The following EEF1E1 variants were observed in gnomAD, a reference collection of about 807,000 sequenced individuals.
EEF1E1 encodes the protein eukaryotic translation elongation factor 1 epsilon 1, also known as eukaryotic translation elongation factor 1 epsilon-1.
Under a neutral mutation model 19.9 loss-of-function variants are expected in EEF1E1, and 19 were observed. The observed-to-expected ratio is 0.95, with a 90% CI of 0.66 to 1.40. EEF1E1 has a LOEUF of 1.40. Among genes scored for constraint, EEF1E1 ranks in the 40% most tolerant of loss-of-function variants. The pLI, the probability that EEF1E1 is intolerant of heterozygous loss-of-function variation, is 0.00. For synonymous variants in EEF1E1, 81 were observed against 80.0 expected (o/e 1.01, Z -0.07); for missense variants, 198 against 202.2 (o/e 0.98, Z 0.13).
At chr6:8,087,256 C>A (rs961858239) in intron 3 of EEF1E1, among the ~76,000 whole-genome samples, 1 of 152,156 alleles carries the variant, frequency 6.6e-6, no homozygotes, top group Non-Finnish European at 1.5e-5. Context: ...TCACTCTTGT[C>A]GCCCAAGCTG....
intron 2 of EEF1E1, 62 bp from the exon 3 acceptor site, chr6:8,090,343 T>C: frequency 1.7e-6 from 2 of 1,201,938 alleles, no homozygotes; most frequent in Non-Finnish European, 2.2e-6. Flanking sequence ...AAGTTAATTA[T>C]CATATCATGA....
At chr6:8,077,099 A>T (rs866944199), downstream of EEF1E1, among the ~76,000 whole-genome samples, 2 of 151,818 alleles carry the variant, frequency 1.3e-5, no homozygotes, top group Non-Finnish European at 1.5e-5. Context: ...GCCCGCCACC[A>T]CACCCAGCTA....
At position 8,089,303 on chromosome 6, in the gene EEF1E1, A is replaced by G. The variant is rs1390938794; in HGVS notation, c.384+883T>C. Among the ~76,000 whole-genome samples, 3 of 152,216 alleles carry G rather than the reference A, an allele frequency of 2.0e-5. No homozygotes were observed. In the East Asian group the frequency reaches 5.8e-4, roughly 29 times the overall value. ...TCAAAAGAGCTAAGATAAGCGGTGTATTAGTCAGGGTTCTCTAGAGGGACA... is the reference window on the plus strand; with the variant it reads ...TCAAAAGAGCTAAGATAAGCGGTGTGTTAGTCAGGGTTCTCTAGAGGGACA... On this transcript the variant is annotated intron_variant, in intron 3 of 3. Transcript: ENST00000379715.
Position 8,097,443 on chromosome 6 carries a change from C to A in EEF1E1, c.112G>T (p.Gly38Cys). ...GTAGTCAATCCTGTTAGACTTGGAC[C>A]ATTGTTTGTCTGAAGAACTGGAATC... is the stretch of plus-strand genomic sequence containing the variant. ...RQIPVLQTNNGPSLTGLTTIA... is the reference protein window; with the variant it reads ...RQIPVLQTNNCPSLTGLTTIA... The change falls in exon 2 of 4, where the codon GGT (glycine) becomes TGT (cysteine). Residue 38 changes from glycine to cysteine, a missense_variant. Coordinates refer to ENST00000379715, the MANE Select transcript of EEF1E1 (RefSeq NM_004280.5). The A allele has an allele frequency of 1.2e-6, 2 of 1,613,672 alleles. No individual in the cohort carries two copies. The highest frequency in any genetic ancestry group is 1.7e-6 in the Non-Finnish European group (2 of 1,179,882).
intron 3 of EEF1E1, among the ~76,000 whole-genome samples, chr6:8,087,452 A>T (rs1221933048): frequency 1.3e-5 from 2 of 152,192 alleles, no homozygotes; most frequent in Non-Finnish European, 2.9e-5. Flanking sequence ...TCCTGACCTC[A>T]GGTGATCCAC....
At chr6:8,097,118 G>C (rs1052719939) in intron 2 of EEF1E1, 149 bp downstream of exon 2, 2 of 773,950 alleles carry the variant, frequency 2.6e-6, no homozygotes, top group Non-Finnish European at 4.3e-6. Context: ...AACAGAGTCT[G>C]TTCCAGGCAG....
intron 1 of EEF1E1, 143 bp downstream of exon 1, chr6:8,102,292 C>A: frequency 1.0e-6 from 1 of 986,196 alleles, no homozygotes; most frequent in Non-Finnish European, 1.4e-6. Context: ...AGGCGCCAGC[C>A]GGCTAGCGGC....
chr6:8,084,734 C>T (rs1393259085), intron 3 of EEF1E1, among the ~76,000 whole-genome samples: 1 of 152,094 alleles, frequency 6.6e-6, no homozygotes, highest in African/African-American at 2.4e-5. Context: ...AAAAAGCCAA[C>T]AAGTTTGTTA....
At chr6:8,079,392 A>C (rs56192031), downstream of EEF1E1, 82,281 of 987,288 alleles carry the variant, frequency 0.083, 3,739 homozygotes, top group Admixed American at 0.18. Flanking sequence ...AACAACGAAA[A>C]AATATTTTTT....
downstream of EEF1E1, among the ~76,000 whole-genome samples, chr6:8,075,977 G>A (rs1037575151): frequency 3.9e-5 from 6 of 152,078 alleles, no homozygotes; most frequent in Non-Finnish European, 8.8e-5. Context: ...CCCATAAAAA[G>A]CAACTCCTCA....
At chr6:8,101,641 C>A in intron 1 of EEF1E1, 7 of 789,426 alleles carry the variant, frequency 8.9e-6, no homozygotes, top group Middle Eastern at 4.4e-4. Flanking sequence ...CTCAAAGGAG[C>A]AAAAAAAACA....
At chr6:8,099,499 C>A (rs1477159598) in intron 1 of EEF1E1, among the ~76,000 whole-genome samples, 1 of 152,184 alleles carries the variant, frequency 6.6e-6, no homozygotes, top group African/African-American at 2.4e-5. Context: ...GTAATCCCAG[C>A]ACTTTGGGAG....
chr6:8,098,410 G>A (rs1003081632), intron 1 of EEF1E1, among the ~76,000 whole-genome samples: 13 of 152,086 alleles, frequency 8.5e-5, no homozygotes, highest in South Asian at 2.1e-4. Context: ...GAGCCACCGC[G>A]CCCGGCCGAA....
intron 3 of EEF1E1, among the ~76,000 whole-genome samples, chr6:8,085,322 T>G (rs999593235): frequency 2.0e-5 from 3 of 151,910 alleles, no homozygotes; most frequent in Non-Finnish European, 4.4e-5. Context: ...TTAATGGTTT[T>G]TTTTTTTTTT....
intron 3 of EEF1E1, among the ~76,000 whole-genome samples, chr6:8,083,812 C>T (rs1024408784): frequency 7.9e-5 from 12 of 152,178 alleles, no homozygotes; most frequent in African/African-American, 2.2e-4. Context: ...AAACAAAGCA[C>T]GAAGACCTGG....
In EEF1E1 at chr6:8,093,858, A is replaced by G. The variant is rs193115506; in HGVS notation, c.288+3409T>C. ...TGTTGCCCAGACTGGAGTACAGTGGAGTGACCCTGGCTCACTGCAACCTCC... is the reference window on the plus strand; with the variant it reads ...TGTTGCCCAGACTGGAGTACAGTGGGGTGACCCTGGCTCACTGCAACCTCC... On this transcript the variant is annotated intron_variant, in intron 2 of 3. Transcript: ENST00000379715. Among the ~76,000 whole-genome samples the G allele has an allele frequency of 9.5e-3, 1,437 of 151,412 alleles. 21 individuals carry two copies. The highest frequency in any genetic ancestry group is 0.033 in the African/African-American group (1,349 of 41,216).
chr6:8,073,572 A>G, intron 3 of EEF1E1: 1 of 1,540,284 alleles, frequency 6.5e-7, no homozygotes, highest in Non-Finnish European at 8.8e-7. Flanking sequence ...TGCCTGATAC[A>G]CACTAAATGC....
At chr6:8,083,261 C>G (rs60064451) in intron 3 of EEF1E1, among the ~76,000 whole-genome samples, 1 of 152,094 alleles carries the variant, frequency 6.6e-6, no homozygotes, top group African/African-American at 2.4e-5. Context: ...ACTGGCACCA[C>G]GTTGCCGCCT....
At chr6:8,083,311 G>A (rs1262171415) in intron 3 of EEF1E1, among the ~76,000 whole-genome samples, 1 of 152,136 alleles carries the variant, frequency 6.6e-6, no homozygotes, top group Non-Finnish European at 1.5e-5. Context: ...GGACTATTTT[G>A]CAGTTAATTC....
Sources: allele counts gnomAD v4.1 joint callset (sites outside exome capture counted in the v4.1 genomes callset), GRCh38; gene constraint gnomAD v4.1.1; transcripts MANE v1.5; gene names NCBI Gene and HGNC (gene_info 2026-07-23, HGNC 2026-07-21).